The following STXBP5L variants were observed in gnomAD, a reference collection of about 807,000 sequenced individuals.
The protein encoded by STXBP5L is syntaxin-binding protein 5-like.
Under a neutral mutation model 144.5 loss-of-function variants are expected in STXBP5L, and 65 were observed. The observed-to-expected ratio is 0.45, with a 90% confidence interval of 0.37 to 0.55. The LOEUF is 0.55. Among genes scored for constraint, STXBP5L ranks in the 20% least tolerant of loss-of-function variants. The pLI is 0.00. For missense variants in STXBP5L, 1,298 were observed against 1,405.5 expected (o/e 0.92, Z 1.22); for synonymous variants, 505 against 469.6 (o/e 1.08, Z -0.97).
intron 9 of STXBP5L, among the ~76,000 whole-genome samples, chr3:121,177,982 A>C (rs2046999423): frequency 6.6e-6 from 1 of 152,210 alleles, no homozygotes; most frequent in Non-Finnish European, 1.5e-5. Context: ...TACAACATGG[A>C]TGAACCTTGA....
intron 18 of STXBP5L, among the ~76,000 whole-genome samples, chr3:121,271,994 T>G (rs2050748116): frequency 6.6e-6 from 1 of 152,200 alleles, no homozygotes; most frequent in Non-Finnish European, 1.5e-5. Context: ...ACTATTGTGA[T>G]CAGGAAAGGT....
At chr3:121,228,781 G>A (rs1236168306) in intron 11 of STXBP5L, among the ~76,000 whole-genome samples, 1 of 152,174 alleles carries the variant, frequency 6.6e-6, no homozygotes, top group African/African-American at 2.4e-5. Flanking sequence ...GGAGGCTGAG[G>A]CAGAAGAATC....
At chr3:121,044,143 TATCAATA>T (rs1335050972) in intron 4 of STXBP5L, among the ~76,000 whole-genome samples, 1 of 152,184 alleles carries the variant, frequency 6.6e-6, no homozygotes, top group Non-Finnish European at 1.5e-5. Context: ...AAGATGTATA[TATCAATA>T]TATACATCTT....
intron 20 of STXBP5L, among the ~76,000 whole-genome samples, chr3:121,365,773 T>C (rs1359506998): frequency 1.3e-5 from 2 of 151,754 alleles, no homozygotes; most frequent in African/African-American, 4.8e-5. Context: ...TAATTTTTAA[T>C]CTCTGCTCTA....
rs2049023304 is a variant in STXBP5L at position 121,223,112 on chromosome 3, C to T, written c.1066C>T (p.Pro356Ser). ...AATTACAGTACTTGAAATGGATCAT[C>T]CTATTGTTGAATTTCTAACTTTATG... ...KAITVLEMDHPIVEFLTLCET... is the reference protein window; with the variant it reads ...KAITVLEMDHSIVEFLTLCET... Residue 356 changes from proline to serine, a missense_variant, in exon 11 of 27, where the codon CCT (proline) becomes TCT (serine). Physicochemically the swap from Pro to Ser is moderately conservative, Grantham distance 74. Coordinates refer to ENST00000471454, the MANE Select transcript of STXBP5L (RefSeq NM_001308330.2). 2 of 1,610,678 alleles carry T rather than the reference C, an allele frequency of 1.2e-6. No homozygotes were observed. Among genetic ancestry groups the T allele is most frequent in the Non-Finnish European group, 1.7e-6 (2 of 1,178,822 alleles).
intron 20 of STXBP5L, among the ~76,000 whole-genome samples, chr3:121,346,378 T>C (rs1306338261): frequency 6.6e-6 from 1 of 151,892 alleles, no homozygotes; most frequent in East Asian, 1.9e-4. Context: ...TGGTTCCAAG[T>C]CTTTGCTATT....
intron 9 of STXBP5L, among the ~76,000 whole-genome samples, chr3:121,192,007 A>T (rs560235803): frequency 4.8e-4 from 73 of 152,278 alleles, no homozygotes; most frequent in South Asian, 2.1e-4. Context: ...ATGATGAGTT[A>T]ACGAGTGCAG....
chr3:121,095,343 G>A (rs933633705), intron 5 of STXBP5L, among the ~76,000 whole-genome samples: 2 of 152,124 alleles, frequency 1.3e-5, no homozygotes, highest in African/African-American at 2.4e-5. Flanking sequence ...GTCCTTCTAG[G>A]TTGGGGAAGT....
chr3:121,275,810 T>C (rs1451302717), intron 18 of STXBP5L, among the ~76,000 whole-genome samples: 1 of 152,162 alleles, frequency 6.6e-6, no homozygotes, highest in Admixed American at 6.5e-5. Context: ...TTTTCTGAAA[T>C]AGACTTTGTC....
At chr3:121,416,711 G>T (rs1424708544) in intron 25 of STXBP5L, among the ~76,000 whole-genome samples, 1 of 151,638 alleles carries the variant, frequency 6.6e-6, no homozygotes, top group African/African-American at 2.4e-5. Context: ...TGCTATGTTG[G>T]CTAGGTTGGT....
chr3:121,201,134 C>T (rs1260093889), intron 9 of STXBP5L, among the ~76,000 whole-genome samples: 2 of 152,112 alleles, frequency 1.3e-5, no homozygotes, highest in African/African-American at 4.8e-5. Context: ...CTCTGTAGTC[C>T]TCTAAGAACT....
chr3:121,056,717 T>C (rs1948484786), intron 5 of STXBP5L, among the ~76,000 whole-genome samples: 1 of 152,068 alleles, frequency 6.6e-6, no homozygotes, highest in African/African-American at 2.4e-5. Flanking sequence ...CTTACTTACT[T>C]CCCCTCAGCA....
At chr3:121,112,868 C>G (rs2044056402) in intron 5 of STXBP5L, among the ~76,000 whole-genome samples, 1 of 152,060 alleles carries the variant, frequency 6.6e-6, no homozygotes, top group African/African-American at 2.4e-5. Context: ...AAGGTATTGA[C>G]TAATCATATA....
chr3:121,066,725 G>A (rs944594267), intron 5 of STXBP5L, among the ~76,000 whole-genome samples: 2 of 151,806 alleles, frequency 1.3e-5, no homozygotes, highest in Non-Finnish European at 2.9e-5. Context: ...TAGTTATGTC[G>A]ACTTTATGAA....
At chr3:120,952,072 G>A (rs113259527) in intron 2 of STXBP5L, among the ~76,000 whole-genome samples, 3,773 of 149,432 alleles carry the variant, frequency 0.025, 70 homozygotes, top group Non-Finnish European at 0.044. Flanking sequence ...ACCAAACACC[G>A]CATATTCTCA....
At position 120,909,635 on chromosome 3, in the gene STXBP5L, C is replaced by T; in HGVS notation, c.57C>T (p.Gly19=). ...VLDGLTASSP[G]SGSSSGSNSG... ...ATGGCTTAACTGCCTCCTCCCCTGGCAGTGGTAGCAGCAGTGGCAGTAACA... is the reference window on the plus strand; with the variant it reads ...ATGGCTTAACTGCCTCCTCCCCTGGTAGTGGTAGCAGCAGTGGCAGTAACA... The change falls in exon 2 of 27, where the codon GGC becomes GGT. Residue 19 remains glycine, a synonymous_variant. Transcript: ENST00000471454. 3 of 1,613,362 alleles carry T rather than the reference C, an allele frequency of 1.9e-6. No homozygotes were observed. The highest frequency in any genetic ancestry group is 2.5e-6 in the Non-Finnish European group (3 of 1,179,680).
At chr3:121,043,073 C>T (rs866903777) in intron 4 of STXBP5L, among the ~76,000 whole-genome samples, 4 of 151,626 alleles carry the variant, frequency 2.6e-5, no homozygotes, top group Admixed American at 6.6e-5. Context: ...CTAAGTTTGC[C>T]CCTGTGGTAC....
At chr3:121,047,022 A>G (rs879131961) in intron 5 of STXBP5L, among the ~76,000 whole-genome samples, 4 of 152,046 alleles carry the variant, frequency 2.6e-5, no homozygotes, top group Non-Finnish European at 2.9e-5. Context: ...GCACTACTTT[A>G]GCTGTGTCCT....
Position 121,147,462 on chromosome 3 carries a change from C to T in STXBP5L, c.670-5015C>T, listed in dbSNP as rs193034386. Among the ~76,000 whole-genome samples the T allele has an allele frequency of 3.3e-3, 495 of 152,162 alleles. 2 individuals carry two copies. The highest frequency in any genetic ancestry group is 5.7e-3 in the Non-Finnish European group (389 of 67,984). ...AAAAACTTGTGCAATGTAGCTAAAG[C>T]TGTGCCTCCAGGAAAATTTATAGTT... On this transcript the variant is annotated intron_variant, in intron 7 of 26. Coordinates refer to ENST00000471454, the MANE Select transcript of STXBP5L (RefSeq NM_001308330.2).
Sources: gnomAD v4.1 joint callset for allele counts (sites outside exome capture counted in the v4.1 genomes callset) on GRCh38, gnomAD v4.1.1 for gene constraint, MANE v1.5 for transcripts, NCBI Gene and HGNC (gene_info 2026-07-23, HGNC 2026-07-21) for gene names.